FRA10AC1: variants seen among roughly 807,000 people sequenced by gnomAD.
The protein encoded by FRA10AC1 is FRA10A associated CGG repeat 1, also known as protein FRA10AC1.
A neutral mutation model predicts 56.5 loss-of-function variants in FRA10AC1; 43 were observed. The observed-to-expected ratio is 0.76, with a 90% CI of 0.60 to 0.98. The LOEUF is 0.98. Among genes scored for constraint, FRA10AC1 ranks in the 50% least tolerant of loss-of-function variants. FRA10AC1 has a pLI of 0.00. For missense variants in FRA10AC1, 346 were observed against 351.8 expected, an observed-to-expected ratio of 0.98 and a Z score of 0.13; for synonymous variants, 112 against 110.5, an observed-to-expected ratio of 1.01 and a Z score of -0.09.
intron 8 of FRA10AC1, chr10:93,685,593 C>A: frequency 6.1e-4 from 153 of 250,392 alleles, no homozygotes; most frequent in Middle Eastern, 1.3e-3. Context: ...TTTAGATAGA[C>A]ATTTTAGCGA....
Position 93,669,227 on chromosome 10 carries a change from G to C in FRA10AC1, c.*599C>G, listed in dbSNP as rs1349131814. On this transcript the variant is annotated 3_prime_UTR_variant, in exon 14 of 14. Coordinates refer to ENST00000359204, the MANE Select transcript of FRA10AC1 (RefSeq NM_145246.5). ...AAAAGAAGGGTGCCAGTTTATCAAT[G>C]GGAAAGAAAGAAGTTAAAGACATAC... is the stretch of plus-strand genomic sequence containing the variant. The C allele has an allele frequency of 6.6e-6, 1 of 152,084 alleles. No homozygotes were observed. Among genetic ancestry groups the C allele is most frequent in the Non-Finnish European group, 1.5e-5 (1 of 68,030 alleles). The allele number at this position is 152,084 out of a possible 1,614,324, so 9.4% of individuals were successfully genotyped here.
At position 93,692,664 on chromosome 10, in the gene FRA10AC1, T is replaced by C; in HGVS notation, c.362A>G (p.Asp121Gly). The change falls in exon 6 of 14, where the codon GAC becomes GGC. Residue 121 changes from aspartate (D) to glycine (G), a missense_variant. By Grantham distance (94) the Asp-to-Gly change is moderately conservative. Coordinates refer to ENST00000359204, the MANE Select transcript of FRA10AC1 (RefSeq NM_145246.5). ...ENHRFLWNEEDEMDMTWEKRL... is the reference protein window; with the variant it reads ...ENHRFLWNEEGEMDMTWEKRL... ...TAATTACCAAGTCATGTCCATTTCG[T>C]CCTCCTCATTCCATAGGAATCTATG... is the stretch of plus-strand genomic sequence containing the variant. The C allele has an allele frequency of 6.3e-7, 1 of 1,598,080 alleles. No homozygotes were observed. The highest frequency in any genetic ancestry group is 8.5e-7 in the Non-Finnish European group (1 of 1,171,146).
intron 2 of FRA10AC1, 23 bp from the exon 3 acceptor site, chr10:93,698,419 A>T: frequency 7.4e-7 from 1 of 1,342,886 alleles, no homozygotes; most frequent in Non-Finnish European, 1.1e-6. Flanking sequence ...GAAGAAAATA[A>T]GAGTTCACTT....
chr10:93,692,549 T>A, intron 6 of FRA10AC1, 97 bp downstream of exon 6: 1 of 754,858 alleles, frequency 1.3e-6, no homozygotes. Context: ...AGAACTGTTC[T>A]ATGAAGGGGC....
rs1452288369 is a variant in FRA10AC1, at chr10:93,690,633, C to A, written c.465+1376G>T. On this transcript the variant is annotated intron_variant, in intron 7 of 13. Coordinates refer to ENST00000359204, the MANE Select transcript of FRA10AC1 (RefSeq NM_145246.5). The stretch of plus-strand genomic sequence containing the variant: ...AAATAAATGAAAAAAAGAAAAAAAA[C>A]AACAACTTAAGAACAATCCATGAAT... Among the ~76,000 whole-genome samples the A allele has an allele frequency of 3.9e-5, 6 of 151,976 alleles. No homozygotes were observed. In the East Asian group the frequency reaches 7.7e-4, roughly 20 times the overall value.
At chr10:93,687,146 T>C (rs984866413) in intron 8 of FRA10AC1, among the ~76,000 whole-genome samples, 3 of 151,936 alleles carry the variant, frequency 2.0e-5, no homozygotes, top group Admixed American at 1.3e-4. Context: ...ATCTTTAATT[T>C]GTAAAATATT....
chr10:93,693,252 T>C (rs1353008498), intron 5 of FRA10AC1, among the ~76,000 whole-genome samples: 3 of 146,898 alleles, frequency 2.0e-5, no homozygotes, highest in Admixed American at 6.8e-5. Flanking sequence ...TTGGGAGATA[T>C]AGGATAAATT....
At chr10:93,693,482 G>GTATATATA (rs777454590) in intron 5 of FRA10AC1, among the ~76,000 whole-genome samples, 15 of 36,270 alleles carry the variant, frequency 4.1e-4, no homozygotes, top group Non-Finnish European at 7.1e-4. Context: ...TGGTGTGTGT[G>GTATATATA]TATATATATA....
intron 12 of FRA10AC1, chr10:93,672,252 C>T (rs2058775175): frequency 4.1e-6 from 1 of 241,446 alleles, no homozygotes; most frequent in South Asian, 4.9e-5. Context: ...TTGCTCCTAA[C>T]TGAATCTATT....
chr10:93,670,447 T>C (rs931218455), intron 13 of FRA10AC1, among the ~76,000 whole-genome samples: 5 of 152,124 alleles, frequency 3.3e-5, no homozygotes, highest in African/African-American at 4.8e-5. Flanking sequence ...GGGATTCCCT[T>C]GCATAGGTTT....
chr10:93,697,529 G>C (rs1335616158), intron 4 of FRA10AC1, among the ~76,000 whole-genome samples: 1 of 152,158 alleles, frequency 6.6e-6, no homozygotes, highest in Admixed American at 6.5e-5. Flanking sequence ...CTCAACAGCA[G>C]TATGGATGGC....
chr10:93,687,626 G>A, intron 7 of FRA10AC1, 177 bp from the exon 8 acceptor site: 6 of 577,682 alleles, frequency 1.0e-5, no homozygotes, highest in South Asian at 2.6e-5. Context: ...CAATTTATCT[G>A]TTAAGAACAA....
chr10:93,687,468 C>A lies in FRA10AC1; in HGVS notation c.466-19G>T. ...ATCCAAACTGATAATAAAAAAATTA[C>A]ATTTATGCCAATGTAAATTTAAATT... On this transcript the variant is annotated intron_variant, in intron 7 of 13. Transcript: ENST00000359204. 2 of 1,482,586 alleles carry A rather than the reference C, an allele frequency of 1.3e-6. No individual in the cohort carries two copies. The highest frequency in any genetic ancestry group is 1.4e-5 in the African/African-American group (1 of 70,174). The allele number at this position is 1,482,586 out of a possible 1,614,324, so 91.8% of individuals were successfully genotyped here.
intron 11 of FRA10AC1, among the ~76,000 whole-genome samples, chr10:93,679,873 T>C (rs1001692484): frequency 1.5e-4 from 23 of 152,140 alleles, no homozygotes; most frequent in African/African-American, 5.3e-4. Flanking sequence ...ACTCTGGGGG[T>C]AAAATTCACA....
rs2059128385 is a variant in FRA10AC1, at chr10:93,691,829, G to A, written c.465+180C>T. ...TCCTTGTCCTTCATAAATTTCCATA[G>A]GCCTTTTGTAAACTCCACAGCTGCA... On this transcript the variant is annotated intron_variant, in intron 7 of 13. Coordinates refer to ENST00000359204, the MANE Select transcript of FRA10AC1 (RefSeq NM_145246.5). The A allele has an allele frequency of 7.6e-6, 4 of 529,216 alleles. No individual in the cohort carries two copies. The East Asian group carries it at 1.9e-4, about 25-fold the overall frequency. The allele number at this position is 529,216 out of a possible 1,614,324, so 32.8% of individuals were successfully genotyped here.
intron 11 of FRA10AC1, among the ~76,000 whole-genome samples, chr10:93,679,942 C>T (rs907833784): frequency 2.6e-5 from 4 of 151,880 alleles, no homozygotes; most frequent in Admixed American, 1.3e-4. Context: ...AAGGATAATC[C>T]CCAGATTTCT....
intron 5 of FRA10AC1, among the ~76,000 whole-genome samples, chr10:93,694,113 A>G (rs1033522016): frequency 1.0e-4 from 15 of 146,328 alleles, no homozygotes; most frequent in Admixed American, 3.4e-4. Flanking sequence ...AAAACAAAAC[A>G]AAACAAAAAA....
intron 5 of FRA10AC1, among the ~76,000 whole-genome samples, chr10:93,693,380 G>GAC (rs1056781329): frequency 5.4e-5 from 8 of 148,234 alleles, no homozygotes; most frequent in African/African-American, 2.0e-4. Context: ...GAAGTTCTAA[G>GAC]ACACACACAC....
At chr10:93,672,573 C>T (rs1049318656) in intron 12 of FRA10AC1, 7 of 152,320 alleles carry the variant, frequency 4.6e-5, no homozygotes, top group African/African-American at 1.7e-4. Flanking sequence ...ACCTACAAGG[C>T]CTTTAGAAGT....
Sources: gnomAD v4.1 joint callset for allele counts (sites outside exome capture counted in the v4.1 genomes callset) on GRCh38, gnomAD v4.1.1 for gene constraint, MANE v1.5 for transcripts, NCBI Gene and HGNC (gene_info 2026-07-23, HGNC 2026-07-21) for gene names.